The following BRINP3 variants were observed in gnomAD, a reference collection of about 807,000 sequenced individuals.
BRINP3 encodes BMP/retinoic acid inducible neural specific 3.
A neutral mutation model predicts 71.0 loss-of-function variants in BRINP3; 19 were observed. That is an observed-to-expected ratio of 0.27 (90% CI 0.19 to 0.39). The LOEUF (loss-of-function observed/expected upper bound fraction) is 0.39, where lower values mean the gene tolerates loss of function less well. BRINP3 is among the 10% of genes least tolerant of loss of function. BRINP3 has a pLI of 1.00. For synonymous variants in BRINP3, 380 were observed against 337.7 expected (o/e 1.13, Z -1.37); for missense variants, 959 against 940.8 (o/e 1.02, Z -0.25).
At chr1:190,298,310 T>C (rs1238223515) in intron 2 of BRINP3, among the ~76,000 whole-genome samples, 1 of 152,142 alleles carries the variant, frequency 6.6e-6, no homozygotes, top group African/African-American at 2.4e-5. Context: ...ATTGATTTAA[T>C]CTATTGTTTC....
intron 1 of BRINP3, among the ~76,000 whole-genome samples, chr1:190,460,587 T>C (rs1407403870): frequency 6.6e-6 from 1 of 152,172 alleles, no homozygotes; most frequent in Non-Finnish European, 1.5e-5. Context: ...ATGATAAGTT[T>C]TGAGACAGAG....
At position 190,274,198 on chromosome 1, in the gene BRINP3, T is replaced by C. The variant is rs185073251; in HGVS notation, c.427+7362A>G. On this transcript the variant is annotated intron_variant, in intron 3 of 7. Transcript: ENST00000367462. ...CAGGGTACCCACAGAAACCAACATA[T>C]AATATTGGTCAGAAGCAACAATTAT... is the stretch of plus-strand genomic sequence containing the variant. Among the ~76,000 whole-genome samples the C allele has an allele frequency of 2.6e-5, 4 of 151,590 alleles. No individual in the cohort carries two copies. In the East Asian group the frequency reaches 7.8e-4, roughly 29 times the overall value.
chr1:190,361,980 G>A (rs1181420552), intron 2 of BRINP3: 2 of 151,992 alleles, frequency 1.3e-5, no homozygotes, highest in Admixed American at 6.6e-5. Flanking sequence ...ATGAGCTTAT[G>A]GTCTTCATGA....
intron 2 of BRINP3, among the ~76,000 whole-genome samples, chr1:190,338,256 T>G (rs1271683997): frequency 6.6e-6 from 1 of 152,096 alleles, no homozygotes; most frequent in East Asian, 1.9e-4. Flanking sequence ...GAGCAGACTA[T>G]CTAAGCCTAG....
At chr1:190,160,995 TCAA>T in intron 6 of BRINP3, 105 bp from the exon 7 acceptor site, 4 of 738,210 alleles carry the variant, frequency 5.4e-6, no homozygotes, top group Non-Finnish European at 8.6e-6. Context: ...CACATATATG[TCAA>T]ATTAAGAACA....
intron 7 of BRINP3, among the ~76,000 whole-genome samples, chr1:190,157,555 C>T (rs1036429698): frequency 1.3e-5 from 2 of 151,998 alleles, no homozygotes; most frequent in African/African-American, 2.4e-5. Flanking sequence ...TCCTAATTCA[C>T]CTCATCTTCT....
chr1:190,162,436 G>C (rs533734041), intron 6 of BRINP3, among the ~76,000 whole-genome samples: 2 of 152,086 alleles, frequency 1.3e-5, no homozygotes, highest in African/African-American at 4.8e-5. Context: ...GAGCCACTCT[G>C]CCTCGCCTAT....
Position 190,265,879 on chromosome 1 carries a change from A to T in BRINP3, c.428-824T>A, listed in dbSNP as rs183633757. On this transcript the variant is annotated intron_variant, in intron 3 of 7. Transcript: ENST00000367462. ...TATGCATATACAGGTATGTATATAT[A>T]TGTAATAAATTCAGAATTTCCCTGC... 5.3e-5 allele frequency among the ~76,000 whole-genome samples: 8 copies of T among 152,314 alleles called. No homozygotes were observed. The East Asian group carries it at 1.5e-3, about 29-fold the overall frequency.
chr1:190,275,630 G>A (rs1347178203), intron 3 of BRINP3, among the ~76,000 whole-genome samples: 1 of 151,412 alleles, frequency 6.6e-6, no homozygotes, highest in Non-Finnish European at 1.5e-5. Flanking sequence ...AAGTAACTCA[G>A]TATATATTTG....
At chr1:190,138,083 T>C (rs1198187892) in intron 7 of BRINP3, among the ~76,000 whole-genome samples, 1 of 152,064 alleles carries the variant, frequency 6.6e-6, no homozygotes, top group Non-Finnish European at 1.5e-5. Context: ...GCCTCCTGAG[T>C]AGCTGGGATT....
chr1:190,199,626 A>G (rs892838965), intron 6 of BRINP3, among the ~76,000 whole-genome samples: 1 of 152,094 alleles, frequency 6.6e-6, no homozygotes, highest in African/African-American at 2.4e-5. Flanking sequence ...AGGTTATTGG[A>G]TACAATTCTG....
At chr1:190,258,462 G>T (rs535934401) in intron 4 of BRINP3, among the ~76,000 whole-genome samples, 21 of 151,556 alleles carry the variant, frequency 1.4e-4, no homozygotes, top group Admixed American at 1.2e-3. Flanking sequence ...AAAACTAAAA[G>T]CTCATTCTTG....
chr1:190,332,253 A>G (rs150211478), intron 2 of BRINP3, among the ~76,000 whole-genome samples: 1 of 152,182 alleles, frequency 6.6e-6, no homozygotes, highest in African/African-American at 2.4e-5. Flanking sequence ...TTTGACTGAT[A>G]GAAAGTAGGA....
At position 190,415,742 on chromosome 1, in the gene BRINP3, A is replaced by AT. The variant is rs1672968601; in HGVS notation, c.236+38912dup. 1.4e-4 allele frequency among the ~76,000 whole-genome samples: 21 copies of AT among 151,964 alleles called. No individual in the cohort carries two copies. The South Asian group carries it at 4.2e-3, about 30-fold the overall frequency. ...ATAGCAAGACCCCTTATAGAAAAACATTTTTTAATAATCAGCCAGGTATGG... is the reference window on the plus strand; with the variant it reads ...ATAGCAAGACCCCTTATAGAAAAACATTTTTTTAATAATCAGCCAGGTATGG... On this transcript the variant is annotated intron_variant, in intron 2 of 7. Transcript: ENST00000367462.
At chr1:190,390,794 A>G (rs1207616513) in intron 2 of BRINP3, among the ~76,000 whole-genome samples, 1 of 151,814 alleles carries the variant, frequency 6.6e-6, no homozygotes. Context: ...AGATAAAAGA[A>G]TGAGTATAGA....
At chr1:190,428,829 G>T (rs933894899) in intron 2 of BRINP3, among the ~76,000 whole-genome samples, 6 of 151,806 alleles carry the variant, frequency 4.0e-5, no homozygotes, top group Non-Finnish European at 7.4e-5. Flanking sequence ...TAAAACAAAT[G>T]CATATTAAAC....
chr1:190,259,998 A>C (rs778917630), intron 4 of BRINP3, among the ~76,000 whole-genome samples: 1 of 150,808 alleles, frequency 6.6e-6, no homozygotes, highest in Non-Finnish European at 1.5e-5. Context: ...ACTGCACTCC[A>C]GCCTGGGCAA....
At chr1:190,468,148 G>T (rs1323182088) in intron 1 of BRINP3, among the ~76,000 whole-genome samples, 4 of 151,268 alleles carry the variant, frequency 2.6e-5, no homozygotes, top group Admixed American at 2.6e-4. Context: ...TGAGCAAATT[G>T]TCTTCAGCTT....
chr1:190,261,771 G>T (rs551931271), intron 4 of BRINP3, among the ~76,000 whole-genome samples: 82 of 152,180 alleles, frequency 5.4e-4, no homozygotes, highest in African/African-American at 1.9e-3. Context: ...AAGAAATTGT[G>T]AATCTTGTTA....
Sources: gnomAD v4.1 joint callset for allele counts (sites outside exome capture counted in the v4.1 genomes callset) on GRCh38, gnomAD v4.1.1 for gene constraint, MANE v1.5 for transcripts, NCBI Gene and HGNC (gene_info 2026-07-23, HGNC 2026-07-21) for gene names.